Variants in RAPGEF1 observed in about 807,000 individuals in gnomAD.
The protein encoded by RAPGEF1 is CRK SH3-binding GNRP.
Under a neutral mutation model 143.3 loss-of-function variants are expected in RAPGEF1, and 33 were observed. The ratio of observed to expected loss-of-function variants is 0.23; its 90% CI spans 0.17 to 0.31. The LOEUF (loss-of-function observed/expected upper bound fraction) is 0.31, where lower values mean the gene tolerates loss of function less well. Ranked by LOEUF, RAPGEF1 falls within the 10% of genes least tolerant of loss-of-function variation. The pLI, the probability that RAPGEF1 is intolerant of heterozygous loss-of-function variation, is 1.00. For synonymous variants in RAPGEF1, 629 were observed against 676.5 expected, an observed-to-expected ratio of 0.93 and a Z score of 1.09; for missense variants, 1,199 against 1,645.4, an observed-to-expected ratio of 0.73 and a Z score of 4.69.
intron 14 of RAPGEF1, among the ~76,000 whole-genome samples, chr9:131,602,758 G>T (rs1164718896): frequency 6.6e-6 from 1 of 152,244 alleles, no homozygotes; most frequent in Non-Finnish European, 1.5e-5. Flanking sequence ...GCCCTGGGGT[G>T]CCAGTCCCCT....
intron 1 of RAPGEF1, among the ~76,000 whole-genome samples, chr9:131,700,136 C>T (rs1834521458): frequency 6.6e-6 from 1 of 152,122 alleles, no homozygotes; most frequent in Non-Finnish European, 1.5e-5. Flanking sequence ...CTCTTTCACC[C>T]CATACTCAAC....
intron 1 of RAPGEF1, among the ~76,000 whole-genome samples, chr9:131,697,156 C>A (rs906580828): frequency 1.3e-5 from 2 of 151,934 alleles, no homozygotes; most frequent in African/African-American, 2.4e-5. Context: ...GCAGAGACAG[C>A]AGCCCTCTGC....
At chr9:131,637,605 C>T (rs1410379035) in intron 5 of RAPGEF1, among the ~76,000 whole-genome samples, 18 of 151,958 alleles carry the variant, frequency 1.2e-4, no homozygotes, top group Admixed American at 1.2e-3. Flanking sequence ...ATTGAGGGGT[C>T]CAGAAAGGAG....
intron 12 of RAPGEF1, among the ~76,000 whole-genome samples, chr9:131,609,683 G>C (rs1588421220): frequency 1.3e-5 from 2 of 152,334 alleles, no homozygotes; most frequent in Middle Eastern, 6.8e-3. Flanking sequence ...AACGATGCTG[G>C]AGGCTGATGA....
intron 3 of RAPGEF1, among the ~76,000 whole-genome samples, chr9:131,647,305 ACTGT>A (rs778401874): frequency 1.9e-4 from 29 of 152,194 alleles, no homozygotes; most frequent in Admixed American, 5.2e-4. Context: ...CAGGGCCAAC[ACTGT>A]CTGCACAGTG....
chr9:131,671,000 C>G (rs376228079), intron 1 of RAPGEF1, among the ~76,000 whole-genome samples: 3 of 152,320 alleles, frequency 2.0e-5, no homozygotes, highest in East Asian at 3.9e-4. Context: ...GGATCTTGAA[C>G]TCAGCCAAAT....
intron 1 of RAPGEF1, among the ~76,000 whole-genome samples, chr9:131,731,365 T>C (rs1331076637): frequency 1.3e-5 from 2 of 152,220 alleles, no homozygotes; most frequent in East Asian, 3.8e-4. Flanking sequence ...TCCATCTATT[T>C]ATTCAGAACC....
At chr9:131,704,375 A>C (rs999636573) in intron 1 of RAPGEF1, among the ~76,000 whole-genome samples, 1 of 151,592 alleles carries the variant, frequency 6.6e-6, no homozygotes, top group African/African-American at 2.4e-5. Context: ...TTCAAAACTG[A>C]GGCAAATCCT....
In RAPGEF1 at chr9:131,641,842, C is replaced by G. The variant is rs932853628; in HGVS notation, c.494+1397G>C. ...TCTGGCCAAAAGACCACAGTCTCCA[C>G]GCGTCAGCTGAAACTCCAGGGAGGA... On this transcript the variant is annotated intron_variant, in intron 4 of 26. Transcript: ENST00000683357. The surrounding 1 kb of genome is among the most constrained non-coding windows in gnomAD (Gnocchi z 4.6). Among the ~76,000 whole-genome samples, 2 of 152,186 alleles carry G rather than the reference C, an allele frequency of 1.3e-5. No individual in the cohort carries two copies. Among genetic ancestry groups the G allele is most frequent in the African/African-American group, 2.4e-5 (1 of 41,404 alleles).
intron 1 of RAPGEF1, among the ~76,000 whole-genome samples, chr9:131,687,759 T>G (rs11792108): frequency 0.23 from 34,912 of 152,016 alleles, 4,595 homozygotes; most frequent in Non-Finnish European, 0.3. Flanking sequence ...TAATCTTCTC[T>G]CTCACCACGC....
chr9:131,587,860 G>GGA (rs1418502714), intron 21 of RAPGEF1, 30 bp from the exon 22 acceptor site: 1 of 1,607,430 alleles, frequency 6.2e-7, no homozygotes, highest in Non-Finnish European at 8.5e-7. Flanking sequence ...AGATGGAGGT[G>GGA]GAGCCCCGGC....
Position 131,579,536 on chromosome 9 carries a change from G to A in RAPGEF1, c.3753C>T (p.Asn1251=). The A allele has an allele frequency of 6.2e-7, 1 of 1,614,040 alleles. No homozygotes were observed. The highest frequency in any genetic ancestry group is 8.5e-7 in the Non-Finnish European group (1 of 1,179,888). The change falls in exon 27 of 27, where the codon AAC becomes AAT. Residue 1251 remains asparagine (N), a synonymous_variant. Transcript: ENST00000683357. ...WELSLKIKPR[N]ITRRKTDREE... is the part of the protein sequence containing the mutation. ...CCCGGTCTGTTTTTCTCCTTGTTAT[G>A]TTCCTGGGTTTAATTTTCAGAGACA...
intron 1 of RAPGEF1, among the ~76,000 whole-genome samples, chr9:131,674,190 G>A (rs2130830481): frequency 6.6e-6 from 1 of 152,162 alleles, no homozygotes; most frequent in African/African-American, 2.4e-5. Flanking sequence ...TTTGTGGTGG[G>A]GGTTGAGAGC....
rs568318507 is a variant in RAPGEF1 at position 131,617,901 on chromosome 9, C to T, written c.2061+1150G>A. ...CTGTGCTAAGTTTCATTTTAACAGA[C>T]GAAAGGGAGAATGGTGGCCATTTTG... On this transcript the variant is annotated intron_variant, in intron 12 of 26. Transcript: ENST00000683357. Among the ~76,000 whole-genome samples the T allele has an allele frequency of 4.1e-4, 62 of 152,282 alleles. No individual in the cohort carries two copies. The South Asian group carries it at 0.012, about 29-fold the overall frequency.
At chr9:131,624,103 C>T (rs900639835) in intron 10 of RAPGEF1, among the ~76,000 whole-genome samples, 5 of 152,094 alleles carry the variant, frequency 3.3e-5, no homozygotes, top group Non-Finnish European at 7.4e-5. Context: ...TCTCTTCCTC[C>T]TCGGCTTGGG....
chr9:131,674,723 C>G (rs1247127282), intron 1 of RAPGEF1, among the ~76,000 whole-genome samples: 1 of 152,314 alleles, frequency 6.6e-6, no homozygotes, highest in Admixed American at 6.5e-5. Flanking sequence ...ACCAACCCAA[C>G]CTGAAGAGGG....
chr9:131,710,008 G>T (rs1835395958), intron 1 of RAPGEF1: 1 of 935,892 alleles, frequency 1.1e-6, no homozygotes, highest in Non-Finnish European at 1.3e-6. Flanking sequence ...CAGCACAACA[G>T]CGGCTTGCAA....
Position 131,584,599 on chromosome 9 carries a change from G to C in RAPGEF1, c.3234-3C>G. On this transcript the variant is annotated splice_polypyrimidine_tract_variant and splice_region_variant and intron_variant, in intron 22 of 26. Transcript: ENST00000683357. This position sits in a 1 kb window ranked among gnomAD's most constrained non-coding sequence, Gnocchi z 6.8. Reference sequence around the variant, plus strand: ...GTAACATGATTATGGACCGGACCCTGCATGGACCAAGGGAAAAAGAAACAG... The same window carrying C: ...GTAACATGATTATGGACCGGACCCTCCATGGACCAAGGGAAAAAGAAACAG... 6.2e-7 allele frequency: 1 copy of C among 1,613,878 alleles called. No individual in the cohort carries two copies. Among genetic ancestry groups the C allele is most frequent in the Non-Finnish European group, 8.5e-7 (1 of 1,179,788 alleles).
chr9:131,685,259 T>C (rs547885703), intron 1 of RAPGEF1, among the ~76,000 whole-genome samples: 1 of 152,362 alleles, frequency 6.6e-6, no homozygotes, highest in East Asian at 1.9e-4. Flanking sequence ...GCGACAAAGC[T>C]GCCCTTGCTT....
Sources: allele counts gnomAD v4.1 joint callset (sites outside exome capture counted in the v4.1 genomes callset), GRCh38; gene constraint gnomAD v4.1.1; non-coding constraint Gnocchi (gnomAD v3.1); transcripts MANE v1.5; gene names NCBI Gene and HGNC (gene_info 2026-07-23, HGNC 2026-07-21).